The following NRXN3 variants were observed in gnomAD, a reference collection of about 807,000 sequenced individuals.
NRXN3 encodes the protein neurexin 3.
NRXN3 carries 32 observed loss-of-function variants against 137.6 expected under a neutral mutation model. The observed-to-expected ratio is 0.23, with a 90% CI of 0.18 to 0.31. The LOEUF (loss-of-function observed/expected upper bound fraction) is 0.31, where lower values mean the gene tolerates loss of function less well. NRXN3 is among the 10% of genes least tolerant of loss of function. The pLI is 1.00. For synonymous variants in NRXN3, 798 were observed against 784.5 expected (o/e 1.02, Z -0.29); for missense variants, 1,574 against 2,062.5 (o/e 0.76, Z 4.59).
chr14:79,017,270 T>C (rs2099580886), intron 15 of NRXN3, among the ~76,000 whole-genome samples: 1 of 151,792 alleles, frequency 6.6e-6, no homozygotes, highest in Admixed American at 6.6e-5. Context: ...CAAGAACTTT[T>C]CTAGCCCTGC....
chr14:78,894,992 G>A (rs958806504), intron 10 of NRXN3, among the ~76,000 whole-genome samples: 2 of 150,864 alleles, frequency 1.3e-5, no homozygotes. Context: ...AGGCTTTGTT[G>A]TTCCATTTAC....
At chr14:79,535,518 CCTCT>C (rs2097203402) in intron 16 of NRXN3, among the ~76,000 whole-genome samples, 1 of 151,910 alleles carries the variant, frequency 6.6e-6, no homozygotes, top group Non-Finnish European at 1.5e-5. Flanking sequence ...TTTTTTCTCT[CCTCT>C]CTCCAATTGG....
chr14:79,595,262 A>G (rs2097848817), intron 16 of NRXN3, among the ~76,000 whole-genome samples: 1 of 152,202 alleles, frequency 6.6e-6, no homozygotes, highest in African/African-American at 2.4e-5. Context: ...CATATTGTGG[A>G]CAATCATCAA....
intron 4 of NRXN3, among the ~76,000 whole-genome samples, chr14:78,532,031 G>A (rs538069280): frequency 7.2e-5 from 11 of 151,896 alleles, no homozygotes; most frequent in African/African-American, 1.9e-4. Context: ...CTGGCTAGGC[G>A]TGGTGGCTCA....
rs2098636546 is a variant in NRXN3, at chr14:78,750,607, CCTG to C, written c.2044+35471_2044+35473del. 3.9e-5 allele frequency among the ~76,000 whole-genome samples: 6 copies of C among 152,292 alleles called. No individual in the cohort carries two copies. In the South Asian group the frequency reaches 1.2e-3, roughly 32 times the overall value. On this transcript the variant is annotated intron_variant, in intron 8 of 20. Coordinates refer to ENST00000335750, the MANE Select transcript of NRXN3 (RefSeq NM_001330195.2). ...TAGACAAAGCAGAGTAATATTTTCACCTGCTTACCCTCCTCTTCCCCCAAACCA... is the reference window on the plus strand; with the variant it reads ...TAGACAAAGCAGAGTAATATTTTCACCTTACCCTCCTCTTCCCCCAAACCA...
chr14:79,415,221 T>G (rs2095479460), intron 15 of NRXN3, among the ~76,000 whole-genome samples: 1 of 152,140 alleles, frequency 6.6e-6, no homozygotes, highest in Non-Finnish European at 1.5e-5. Context: ...TTCAAGGTAC[T>G]GATTTCACAT....
intron 4 of NRXN3, among the ~76,000 whole-genome samples, chr14:78,463,494 G>T (rs2094991746): frequency 6.6e-6 from 1 of 151,366 alleles, no homozygotes; most frequent in Non-Finnish European, 1.5e-5. Flanking sequence ...CGTAGAGGTT[G>T]TATTAATTTA....
chr14:78,338,514 G>A (rs575229933), intron 4 of NRXN3, among the ~76,000 whole-genome samples: 2 of 152,302 alleles, frequency 1.3e-5, no homozygotes, highest in Non-Finnish European at 2.9e-5. Flanking sequence ...CTGATGGATA[G>A]CCTAGAAGTG....
intron 6 of NRXN3, among the ~76,000 whole-genome samples, chr14:78,665,973 C>A (rs972063891): frequency 3.3e-5 from 5 of 152,106 alleles, no homozygotes; most frequent in Non-Finnish European, 7.4e-5. Flanking sequence ...AGTGAGGTGT[C>A]CCTCTATCTT....
At chr14:79,402,120 A>T (rs1432765766) in intron 15 of NRXN3, among the ~76,000 whole-genome samples, 2 of 151,872 alleles carry the variant, frequency 1.3e-5, no homozygotes, top group Non-Finnish European at 2.9e-5. Flanking sequence ...ATTTTTGTAG[A>T]GACAGGGTCT....
At chr14:79,352,518 T>C (rs1488600653) in intron 15 of NRXN3, among the ~76,000 whole-genome samples, 1 of 152,128 alleles carries the variant, frequency 6.6e-6, no homozygotes, top group Non-Finnish European at 1.5e-5. Flanking sequence ...ATATAGTATG[T>C]GGAGGCATTA....
rs548667071 is a variant in NRXN3, at chr14:78,847,229, A to G, written c.2275+36885A>G. On this transcript the variant is annotated intron_variant, in intron 10 of 20. Transcript: ENST00000335750. ...AACAACACATTTACGGTTAATGACCATCTGGTAAAGGTGACAGCCTTTAGT... is the reference window on the plus strand; with the variant it reads ...AACAACACATTTACGGTTAATGACCGTCTGGTAAAGGTGACAGCCTTTAGT... Among the ~76,000 whole-genome samples the G allele has an allele frequency of 2.6e-5, 4 of 152,212 alleles. No homozygotes were observed. The East Asian group carries it at 7.7e-4, about 29-fold the overall frequency.
intron 6 of NRXN3, among the ~76,000 whole-genome samples, chr14:78,690,037 C>G (rs2098158084): frequency 6.6e-6 from 1 of 152,148 alleles, no homozygotes; most frequent in Admixed American, 6.6e-5. Context: ...AACATTCTTT[C>G]AAAACCCAGT....
intron 15 of NRXN3, among the ~76,000 whole-genome samples, chr14:79,253,292 G>C (rs1352882030): frequency 2.0e-5 from 3 of 152,186 alleles, no homozygotes; most frequent in Non-Finnish European, 4.4e-5. Flanking sequence ...CTCGTAGATA[G>C]ACAGGGAACC....
chr14:78,671,781 T>G (rs928041502), intron 6 of NRXN3, among the ~76,000 whole-genome samples: 1 of 152,202 alleles, frequency 6.6e-6, no homozygotes, highest in African/African-American at 2.4e-5. Context: ...TCATAATACA[T>G]TGAAAAGTCA....
At chr14:79,258,026 A>T (rs1047890584) in intron 15 of NRXN3, among the ~76,000 whole-genome samples, 1 of 152,146 alleles carries the variant, frequency 6.6e-6, no homozygotes, top group African/African-American at 2.4e-5. Flanking sequence ...CCTACAAGAC[A>T]TAATGAATTG....
intron 3 of NRXN3, among the ~76,000 whole-genome samples, chr14:78,288,559 T>G (rs182497957): frequency 1.1e-4 from 17 of 152,362 alleles, no homozygotes; most frequent in Non-Finnish European, 4.4e-5. Context: ...GTGGGTGCAG[T>G]GCTTTTATCT....
intron 4 of NRXN3, among the ~76,000 whole-genome samples, chr14:78,413,050 T>A (rs1004997683): frequency 6.6e-6 from 1 of 152,224 alleles, no homozygotes; most frequent in Non-Finnish European, 1.5e-5. Context: ...CTTGAAGGCA[T>A]CAAGATGATT....
chr14:79,281,752 G>T (rs1486569529), intron 15 of NRXN3: 3 of 152,212 alleles, frequency 2.0e-5, no homozygotes, highest in Admixed American at 1.3e-4. Flanking sequence ...CTTTATGTTT[G>T]CAGGAACAGC....
Sources: allele counts gnomAD v4.1 joint callset (sites outside exome capture counted in the v4.1 genomes callset), GRCh38; gene constraint gnomAD v4.1.1; transcripts MANE v1.5; gene names NCBI Gene and HGNC (gene_info 2026-07-23, HGNC 2026-07-21).